The following NFATC2 variants were observed in gnomAD, a reference collection of about 807,000 sequenced individuals.
NFATC2 encodes the protein nuclear factor of activated T cells 2, also known as nuclear factor of activated T-cells, cytoplasmic 2.
A neutral mutation model predicts 87.3 loss-of-function variants in NFATC2; 22 were observed. The ratio of observed to expected loss-of-function variants is 0.25; its 90% CI spans 0.18 to 0.36. The LOEUF is 0.36. NFATC2 is among the 10% of genes least tolerant of loss of function. The pLI, the probability that NFATC2 is intolerant of heterozygous loss-of-function variation, is 1.00. For synonymous variants in NFATC2, 565 were observed against 542.2 expected, an observed-to-expected ratio of 1.04 and a Z score of -0.58; for missense variants, 1,149 against 1,259.1, an observed-to-expected ratio of 0.91 and a Z score of 1.32.
At chr20:51,517,318 G>A (rs2076367768) in intron 2 of NFATC2, among the ~76,000 whole-genome samples, 1 of 152,032 alleles carries the variant, frequency 6.6e-6, no homozygotes, top group South Asian at 2.1e-4. Context: ...GGCTGGGTGT[G>A]GTGGCTCATG....
chr20:51,396,419 C>A (rs1987152094), intron 10 of NFATC2, among the ~76,000 whole-genome samples: 1 of 152,152 alleles, frequency 6.6e-6, no homozygotes. Flanking sequence ...GAATTTCACT[C>A]ACTCTAGGCC....
chr20:51,562,793 G>T, upstream of NFATC2: 1 of 583,026 alleles, frequency 1.7e-6, no homozygotes, highest in Non-Finnish European at 3.0e-6. This position sits in a 1 kb window ranked among gnomAD's most constrained non-coding sequence, Gnocchi z 5.8. Flanking sequence ...TCCCGGCTCG[G>T]CGGAGTCGGC....
upstream of NFATC2, chr20:51,542,752 G>C (rs986190607): frequency 5.5e-5 from 33 of 598,138 alleles, no homozygotes; most frequent in South Asian, 2.8e-4. Flanking sequence ...GGGGAGGCGG[G>C]GGGGGGGGGG....
At chr20:51,545,162 C>A (rs1443367684), upstream of NFATC2, among the ~76,000 whole-genome samples, 1 of 152,184 alleles carries the variant, frequency 6.6e-6, no homozygotes, top group Non-Finnish European at 1.5e-5. Flanking sequence ...AACCAGGCTT[C>A]CCCTGTGATT....
At chr20:51,554,982 C>T (rs1316082934) in intron 1 of NFATC2, among the ~76,000 whole-genome samples, 1 of 152,164 alleles carries the variant, frequency 6.6e-6, no homozygotes. Flanking sequence ...AGCCAGGGAC[C>T]ATCCCTGTGG....
At chr20:51,462,977 G>C (rs1183976254) in intron 5 of NFATC2, among the ~76,000 whole-genome samples, 2 of 152,240 alleles carry the variant, frequency 1.3e-5, no homozygotes. Context: ...AGGCAAGAAG[G>C]TTCCTCCCAT....
intron 7 of NFATC2, 95 bp downstream of exon 7, chr20:51,435,611 G>A (rs113547318): frequency 7.4e-7 from 1 of 1,344,508 alleles, no homozygotes; most frequent in Non-Finnish European, 1.0e-6. Context: ...GAGCTCTGGG[G>A]GACACTGATG....
Position 51,523,253 on chromosome 20 carries a change from A to T in NFATC2, c.988T>A (p.Ser330Thr). 1 of 1,613,580 alleles carries T rather than the reference A, an allele frequency of 6.2e-7. No homozygotes were observed. The highest frequency in any genetic ancestry group is 8.5e-7 in the Non-Finnish European group (1 of 1,179,746). Reference protein sequence around the residue: ...PKMWKTSPDPSPVSAAPSKAG... With the variant: ...PKMWKTSPDPTPVSAAPSKAG... ...TTGGATGGGGCGGCAGACACCGGCG[A>T]GGGGTCAGGGCTGGTCTTCCACATC... The change falls in exon 2 of 11, where the codon TCG (serine) becomes ACG (threonine). Residue 330 changes from serine (S) to threonine (T), a missense_variant. Physicochemically the swap from Ser to Thr is moderately conservative, Grantham distance 58. Transcript: ENST00000371564. This position sits in a 1 kb window ranked among gnomAD's most constrained non-coding sequence, Gnocchi z 6.9.
chr20:51,418,943 C>T (rs973278026), intron 9 of NFATC2, among the ~76,000 whole-genome samples: 2 of 148,534 alleles, frequency 1.3e-5, no homozygotes, highest in African/African-American at 2.6e-5. Context: ...GGATTATAGG[C>T]GTGAGCCACC....
chr20:51,446,942 C>G (rs1568989407), intron 6 of NFATC2, among the ~76,000 whole-genome samples: 1 of 152,290 alleles, frequency 6.6e-6, no homozygotes, highest in South Asian at 2.1e-4. Flanking sequence ...TCTAGAGACT[C>G]CCATACCAGG....
intron 1 of NFATC2, among the ~76,000 whole-genome samples, chr20:51,536,298 G>T (rs74532639): frequency 0.016 from 2,495 of 152,176 alleles, 35 homozygotes; most frequent in South Asian, 0.054. Context: ...TGCCCTCCAG[G>T]GCCACATCCT....
chr20:51,423,978 C>T (rs1037133618), intron 9 of NFATC2, among the ~76,000 whole-genome samples: 1 of 152,156 alleles, frequency 6.6e-6, no homozygotes, highest in African/African-American at 2.4e-5. Flanking sequence ...GCCAGAAATG[C>T]AGAGTCCACA....
At chr20:51,484,468 C>T (rs1017286653) in intron 3 of NFATC2, among the ~76,000 whole-genome samples, 4 of 152,256 alleles carry the variant, frequency 2.6e-5, no homozygotes, top group Admixed American at 1.3e-4. Flanking sequence ...CCCGTGGGGG[C>T]AGCACCCCAT....
rs1022417715 is a variant in NFATC2, at chr20:51,527,783, G to A, written c.131-3673C>T. Among the ~76,000 whole-genome samples the A allele has an allele frequency of 5.3e-5, 8 of 152,104 alleles. 1 individual carries two copies. The highest frequency in any genetic ancestry group is 4.2e-4 in the South Asian group (2 of 4,802). On this transcript the variant is annotated intron_variant, in intron 1 of 10. Coordinates refer to ENST00000371564, the MANE Select transcript of NFATC2 (RefSeq NM_012340.5). Reference sequence around the variant, plus strand: ...TGCCCCCGGAACCACATGTGCCCTCGGAACCAAGCAATGCTACTTTTAGAA... The same window carrying A: ...TGCCCCCGGAACCACATGTGCCCTCAGAACCAAGCAATGCTACTTTTAGAA...
intron 2 of NFATC2, among the ~76,000 whole-genome samples, chr20:51,517,584 C>T (rs112047722): frequency 1.3e-5 from 2 of 150,568 alleles, no homozygotes; most frequent in East Asian, 1.9e-4. Context: ...CAGAGTGAGA[C>T]CCTGTCTCAA....
chr20:51,533,981 C>T (rs1192409110), intron 1 of NFATC2, among the ~76,000 whole-genome samples: 3 of 152,180 alleles, frequency 2.0e-5, no homozygotes, highest in African/African-American at 7.2e-5. Flanking sequence ...TGGTTTCAAG[C>T]CATTTCCTGG....
At chr20:51,447,253 G>A (rs1398557131) in intron 6 of NFATC2, among the ~76,000 whole-genome samples, 2 of 152,138 alleles carry the variant, frequency 1.3e-5, no homozygotes, top group African/African-American at 4.8e-5. Context: ...AAATCAATTT[G>A]TCCTCTGGAC....
chr20:51,427,693 C>T (rs1288913414), intron 9 of NFATC2, among the ~76,000 whole-genome samples: 1 of 152,218 alleles, frequency 6.6e-6, no homozygotes, highest in East Asian at 1.9e-4. Context: ...CACCTGCGTT[C>T]CCTCTCCCTG....
intron 3 of NFATC2, among the ~76,000 whole-genome samples, chr20:51,502,075 G>A (rs1027258453): frequency 3.9e-5 from 6 of 152,212 alleles, no homozygotes; most frequent in Non-Finnish European, 7.3e-5. Context: ...CACAGATTAA[G>A]TTGCAGCAGG....
Sources: allele counts gnomAD v4.1 joint callset (sites outside exome capture counted in the v4.1 genomes callset), GRCh38; gene constraint gnomAD v4.1.1; non-coding constraint Gnocchi (gnomAD v3.1); transcripts MANE v1.5; gene names NCBI Gene and HGNC (gene_info 2026-07-23, HGNC 2026-07-21).